STXBP4: variants seen among roughly 807,000 people sequenced by gnomAD.
STXBP4 encodes syntaxin-binding protein 4.
A neutral mutation model predicts 76.1 loss-of-function variants in STXBP4; 55 were observed. The ratio of observed to expected loss-of-function variants is 0.72; its 90% CI spans 0.58 to 0.91. The LOEUF is 0.91. STXBP4 is among the 40% of genes least tolerant of loss of function. The pLI is 0.00. For synonymous variants in STXBP4, 201 were observed against 220.2 expected (o/e 0.91, Z 0.77); for missense variants, 618 against 636.9 (o/e 0.97, Z 0.32).
At chr17:55,058,704 T>G (rs1158329550) in intron 12 of STXBP4, among the ~76,000 whole-genome samples, 1 of 152,140 alleles carries the variant, frequency 6.6e-6, no homozygotes, top group Non-Finnish European at 1.5e-5. Context: ...TGGGCATTTG[T>G]TTTATTACTT....
intron 7 of STXBP4, among the ~76,000 whole-genome samples, chr17:55,003,619 T>A (rs1598186749): frequency 6.6e-6 from 1 of 152,326 alleles, no homozygotes; most frequent in East Asian, 1.9e-4. Flanking sequence ...TATAAACAAA[T>A]TTTAATGTTA....
chr17:55,043,907 A>G, intron 11 of STXBP4: 1 of 379,006 alleles, frequency 2.6e-6, no homozygotes, highest in Non-Finnish European at 4.7e-6. Flanking sequence ...GGAGTGCAAT[A>G]CTGCAATCAC....
At chr17:55,107,997 A>C (rs1163846118) in intron 16 of STXBP4, among the ~76,000 whole-genome samples, 1 of 152,228 alleles carries the variant, frequency 6.6e-6, no homozygotes, top group Non-Finnish European at 1.5e-5. Context: ...GGAACATTTA[A>C]GTCTGCTGAA....
chr17:55,014,487 C>T (rs1021116104), intron 8 of STXBP4, among the ~76,000 whole-genome samples: 3 of 151,844 alleles, frequency 2.0e-5, no homozygotes, highest in Non-Finnish European at 4.4e-5. Flanking sequence ...TAGGACCCCT[C>T]GGATAGTGAC....
In STXBP4 at chr17:55,169,245, G is replaced by A. The variant is rs1055810277; in HGVS notation, c.*9334G>A. ...GATGTCAAGCAAAGCCTATTCTGGA[G>A]ATGACTTTGGTTCACTCCCACGGGA... On this transcript the variant is annotated 3_prime_UTR_variant, in exon 18 of 18. Transcript: ENST00000376352. 2 of 151,952 alleles carry A rather than the reference G, an allele frequency of 1.3e-5. No individual in the cohort carries two copies. Among genetic ancestry groups the A allele is most frequent in the African/African-American group, 4.8e-5 (2 of 41,274 alleles). The allele number at this position is 151,952 out of a possible 1,614,324, so 9.4% of individuals were successfully genotyped here. A position where few individuals can be genotyped will look rare whatever the true frequency, so the allele number is the denominator to read the frequency against.
chr17:55,148,894 G>C (rs1047134242), intron 17 of STXBP4, among the ~76,000 whole-genome samples: 1 of 152,154 alleles, frequency 6.6e-6, no homozygotes, highest in Non-Finnish European at 1.5e-5. Context: ...TAATTTGGGG[G>C]CTTTGATTCA....
chr17:55,079,046 C>T (rs529988005), intron 15 of STXBP4, among the ~76,000 whole-genome samples: 5 of 152,230 alleles, frequency 3.3e-5, no homozygotes, highest in East Asian at 3.9e-4. Flanking sequence ...AATTGTCTTG[C>T]GTATGAATCA....
At chr17:55,188,364 A>C in the STXBP4 span, among the ~76,000 whole-genome samples, 3 of 152,196 alleles carry the variant, frequency 2.0e-5, no homozygotes, top group African/African-American at 7.2e-5. Flanking sequence ...ATGATGAATA[A>C]GTCATATGGA....
chr17:55,191,467 C>T, the STXBP4 span, among the ~76,000 whole-genome samples: 3 of 152,072 alleles, frequency 2.0e-5, no homozygotes, highest in Non-Finnish European at 4.4e-5. Flanking sequence ...ATGGAGGATC[C>T]TTCTTATTTT....
intron 12 of STXBP4, among the ~76,000 whole-genome samples, chr17:55,056,092 CA>C (rs1458335855): frequency 6.6e-6 from 1 of 152,082 alleles, no homozygotes; most frequent in Non-Finnish European, 1.5e-5. Context: ...TCTAGAACAG[CA>C]ATGTCCCTTA....
chr17:55,199,788 T>C, the STXBP4 span, among the ~76,000 whole-genome samples: 2 of 152,218 alleles, frequency 1.3e-5, no homozygotes, highest in Non-Finnish European at 2.9e-5. Context: ...CCATTTCACA[T>C]AGAATAAATT....
At chr17:55,154,524 T>A (rs1213393517) in intron 17 of STXBP4, among the ~76,000 whole-genome samples, 1 of 152,196 alleles carries the variant, frequency 6.6e-6, no homozygotes, top group Non-Finnish European at 1.5e-5. Flanking sequence ...ACATGTTCTT[T>A]GTTTTTTTCT....
chr17:55,076,759 T>A (rs1029361750), intron 13 of STXBP4, among the ~76,000 whole-genome samples: 5 of 152,154 alleles, frequency 3.3e-5, no homozygotes, highest in African/African-American at 1.2e-4. Flanking sequence ...GTATTTGTTC[T>A]TGTGTAATTC....
chr17:55,000,047 A>C (rs542541621), intron 6 of STXBP4, among the ~76,000 whole-genome samples: 17 of 152,312 alleles, frequency 1.1e-4, no homozygotes, highest in African/African-American at 4.1e-4. Context: ...GTCCAGGAGC[A>C]TGATTGGTTA....
chr17:54,991,836 T>C (rs1393354889), intron 4 of STXBP4: 1 of 151,508 alleles, frequency 6.6e-6, no homozygotes, highest in African/African-American at 2.4e-5. Context: ...ATTAATAAAA[T>C]ATTCTATTAA....
rs1010449302 is a variant in STXBP4, at chr17:55,168,586, G to T, written c.*8675G>T. 6.6e-6 allele frequency: 1 copy of T among 152,214 alleles called. No individual in the cohort carries two copies. Among genetic ancestry groups the T allele is most frequent in the East Asian group, 1.9e-4 (1 of 5,184 alleles). The allele number at this position is 152,214 out of a possible 1,614,324, so 9.4% of individuals were successfully genotyped here. On this transcript the variant is annotated 3_prime_UTR_variant, in exon 18 of 18. Coordinates refer to ENST00000376352, the MANE Select transcript of STXBP4 (RefSeq NM_178509.6). Reference sequence around the variant, plus strand: ...CTTATACGCCTTTAAGTAAATACAAGAGAACTGTTTCAGCATAGATTTTTA... The same window carrying T: ...CTTATACGCCTTTAAGTAAATACAATAGAACTGTTTCAGCATAGATTTTTA...
chr17:55,072,986 G>A lies in STXBP4; in HGVS notation c.1098G>A (p.Met366Ile), dbSNP rs562525614. Residue 366 changes from methionine (M) to isoleucine (I), a missense_variant, in exon 13 of 18, where the codon ATG (methionine) becomes ATA (isoleucine). Transcript: ENST00000376352. ...AEAAQRQAHG[M>I]EMDYEEVIRL... ...CTGCTCAGAGACAGGCACATGGAAT[G>A]GAAATGGACTATGAAGAAGTGATCC... 67 of 1,613,994 alleles carry A rather than the reference G, an allele frequency of 4.2e-5. No individual in the cohort carries two copies. The African/African-American group carries it at 7.5e-4, about 18-fold the overall frequency.
At position 55,054,390 on chromosome 17, in the gene STXBP4, G is replaced by A. The variant is rs950496393; in HGVS notation, c.1011+7236G>A. On this transcript the variant is annotated intron_variant, in intron 12 of 17. Coordinates refer to ENST00000376352, the MANE Select transcript of STXBP4 (RefSeq NM_178509.6). ...TGTCATCCCAGCTACTCGGAAGGCTGAGGCACAAGAATCACTTTAACTTGG... is the reference window on the plus strand; with the variant it reads ...TGTCATCCCAGCTACTCGGAAGGCTAAGGCACAAGAATCACTTTAACTTGG... 1.6e-4 allele frequency among the ~76,000 whole-genome samples: 24 copies of A among 152,192 alleles called. 1 individual carries two copies. Among genetic ancestry groups the A allele is most frequent in the Non-Finnish European group, 2.2e-4 (15 of 68,034 alleles).
At position 55,136,199 on chromosome 17, in the gene STXBP4, G is replaced by T. The variant is rs2080027118; in HGVS notation, c.1490-5111G>T. On this transcript the variant is annotated intron_variant, in intron 16 of 17. Transcript: ENST00000376352. ...CTGATAAACATAGTTGATTGTTAGG[G>T]CAACAATTCTTTATGCCTTTGGAAG... Among the ~76,000 whole-genome samples, 3 of 152,094 alleles carry T rather than the reference G, an allele frequency of 2.0e-5. No homozygotes were observed. In the South Asian group the frequency reaches 6.2e-4, roughly 32 times the overall value.
Sources: gnomAD v4.1 joint callset for allele counts (sites outside exome capture counted in the v4.1 genomes callset) on GRCh38, gnomAD v4.1.1 for gene constraint, MANE v1.5 for transcripts, NCBI Gene and HGNC (gene_info 2026-07-23, HGNC 2026-07-21) for gene names.